FREM1: variants seen among roughly 807,000 people sequenced by gnomAD.
The protein encoded by FREM1 is FRAS1 related extracellular matrix 1.
Under a neutral mutation model 210.1 loss-of-function variants are expected in FREM1, and 220 were observed. The observed-to-expected ratio is 1.05, with a 90% CI of 0.94 to 1.17. The LOEUF (loss-of-function observed/expected upper bound fraction) is 1.17. Ranked by LOEUF, FREM1 falls within the 50% of genes most tolerant of loss-of-function variation. The pLI is 0.00. For synonymous variants in FREM1, 1,189 were observed against 980.2 expected, an observed-to-expected ratio of 1.21 and a Z score of -3.98; for missense variants, 3,454 against 2,675.5, an observed-to-expected ratio of 1.29 and a Z score of -6.42.
intron 24 of FREM1, among the ~76,000 whole-genome samples, chr9:14,781,835 C>A (rs1849683010): frequency 6.6e-6 from 1 of 152,208 alleles, no homozygotes; most frequent in Non-Finnish European, 1.5e-5. Context: ...TCCTAAGTAG[C>A]TAGGATTACA....
At chr9:14,877,444 C>CTTTTTTTTTTTTTTTT (rs1554717635) in intron 1 of FREM1, among the ~76,000 whole-genome samples, 1 of 146,486 alleles carries the variant, frequency 6.8e-6, no homozygotes, top group Non-Finnish European at 1.5e-5. Context: ...CTTGTTGTTT[C>CTTTTTTTTTTTTTTTT]TTTATGGTAG....
intron 24 of FREM1, among the ~76,000 whole-genome samples, chr9:14,783,236 C>A (rs1241755035): frequency 6.6e-6 from 1 of 152,166 alleles, no homozygotes. Flanking sequence ...TTACTGACAT[C>A]TAACCAGTGT....
intron 5 of FREM1, among the ~76,000 whole-genome samples, chr9:14,855,121 G>C (rs1219017069): frequency 6.6e-6 from 1 of 151,912 alleles, no homozygotes; most frequent in African/African-American, 2.4e-5. Context: ...AAATTTTGAA[G>C]AGAAGTGATA....
intron 1 of FREM1, among the ~76,000 whole-genome samples, chr9:14,884,914 G>GC (rs1835496839): frequency 9.8e-6 from 1 of 101,900 alleles, no homozygotes; most frequent in Non-Finnish European, 2.0e-5. Context: ...ATTCATCATA[G>GC]CTTTTTTTTT....
At chr9:14,793,321 C>A (rs1435392733) in intron 21 of FREM1, among the ~76,000 whole-genome samples, 1 of 152,184 alleles carries the variant, frequency 6.6e-6, no homozygotes, top group Non-Finnish European at 1.5e-5. Flanking sequence ...GTTCCAGTGC[C>A]ATTGATGATA....
At chr9:14,783,333 G>A (rs1164967753) in intron 24 of FREM1, among the ~76,000 whole-genome samples, 2 of 152,186 alleles carry the variant, frequency 1.3e-5, no homozygotes, top group African/African-American at 2.4e-5. Context: ...AGTGATACTT[G>A]ATAGTTTATG....
intron 35 of FREM1, among the ~76,000 whole-genome samples, chr9:14,742,403 G>A (rs1352264243): frequency 6.6e-6 from 1 of 152,054 alleles, no homozygotes; most frequent in African/African-American, 2.4e-5. Context: ...ACTGCCTGAG[G>A]AAATGAGCAG....
At chr9:14,865,661 C>CTGTGTGTGTGTGTGTGTGTG (rs56960871) in intron 2 of FREM1, among the ~76,000 whole-genome samples, 2 of 144,516 alleles carry the variant, frequency 1.4e-5, no homozygotes, top group South Asian at 2.3e-4. Flanking sequence ...AATGTTTAGG[C>CTGTGTGTGTGTGTGTGTGTG]TGTGTGTGTG....
intron 20 of FREM1, among the ~76,000 whole-genome samples, chr9:14,800,596 G>A (rs527823136): frequency 1.3e-5 from 2 of 152,230 alleles, no homozygotes; most frequent in African/African-American, 4.8e-5. Context: ...CTCTTAAACT[G>A]TAGTTTCATG....
chr9:14,813,143 G>T, intron 15 of FREM1, 79 bp from the exon 16 acceptor site: 1 of 1,414,988 alleles, frequency 7.1e-7, no homozygotes, highest in Non-Finnish European at 9.6e-7. Context: ...ATTGCTCATA[G>T]TCAGAATGAC....
chr9:14,842,777 T>C, intron 8 of FREM1, 117 bp from the exon 9 acceptor site: 1 of 700,038 alleles, frequency 1.4e-6, no homozygotes, highest in Non-Finnish European at 2.4e-6. Context: ...CGTATTTCCC[T>C]CACCTGGAAA....
intron 22 of FREM1, chr9:14,790,805 G>T (rs1851174285): frequency 6.6e-6 from 1 of 152,186 alleles, no homozygotes; most frequent in Non-Finnish European, 1.5e-5. Flanking sequence ...GCCATACTGG[G>T]AACCTGGACC....
At chr9:14,816,346 C>G (rs2133654613) in intron 15 of FREM1, among the ~76,000 whole-genome samples, 1 of 152,238 alleles carries the variant, frequency 6.6e-6, no homozygotes, top group Admixed American at 6.5e-5. Context: ...TATCCTCTCA[C>G]TTTGGAGGCC....
chr9:14,785,354 A>T (rs1041423168), intron 23 of FREM1, among the ~76,000 whole-genome samples: 1 of 152,244 alleles, frequency 6.6e-6, no homozygotes, highest in Non-Finnish European at 1.5e-5. Context: ...AGTAAGAAGA[A>T]ATACAAAATT....
rs967656256 is a variant in FREM1, at chr9:14,836,045, G to C, written c.1881+5402C>G. Among the ~76,000 whole-genome samples the C allele has an allele frequency of 6.6e-6, 1 of 152,174 alleles. No homozygotes were observed. Among genetic ancestry groups the C allele is most frequent in the African/African-American group, 2.4e-5 (1 of 41,450 alleles). On this transcript the variant is annotated intron_variant, in intron 10 of 36. Coordinates refer to ENST00000380880, the MANE Select transcript of FREM1 (RefSeq NM_001379081.2). This position sits in a 1 kb window ranked among gnomAD's most constrained non-coding sequence, Gnocchi z 4.9. ...TCTGGGCAATTATCTTGCAACTTCT[G>C]CCGGGTAATGAAAAGTGAGTAAGGT...
At chr9:14,834,487 C>T (rs1054492406) in intron 10 of FREM1, among the ~76,000 whole-genome samples, 14 of 152,172 alleles carry the variant, frequency 9.2e-5, no homozygotes, top group Admixed American at 3.3e-4. Context: ...TATAAGGTTT[C>T]ACTTGAACAA....
chr9:14,848,646 G>A lies in FREM1; in HGVS notation c.1261+19C>T. ...TCCCTTCAGGGCTATGTTGCTCTAT[G>A]CCTTATATTGAGCTTTACCTGTATT... On this transcript the variant is annotated intron_variant, in intron 7 of 36. Transcript: ENST00000380880. 7.1e-7 allele frequency: 1 copy of A among 1,410,516 alleles called. No homozygotes were observed. The highest frequency in any genetic ancestry group is 2.3e-5 in the East Asian group (1 of 43,902). The allele number at this position is 1,410,516 out of a possible 1,614,324, so 87.4% of individuals were successfully genotyped here.
chr9:14,745,626 G>A (rs184990404), intron 35 of FREM1, among the ~76,000 whole-genome samples: 10 of 152,238 alleles, frequency 6.6e-5, no homozygotes, highest in Admixed American at 2.0e-4. Context: ...ATTTTATGAA[G>A]TACGAGATCA....
rs571977293 is a variant in FREM1, at chr9:14,782,815, G to A, written c.4442+1555C>T. Among the ~76,000 whole-genome samples the A allele has an allele frequency of 1.2e-4, 19 of 152,244 alleles. No individual in the cohort carries two copies. In the East Asian group the frequency reaches 1.3e-3, roughly 11 times the overall value. ...ATGCATAAGCTCATATAAACCTCCC[G>A]CAACCTTGTGAGGCAGGTGCTACGA... On this transcript the variant is annotated intron_variant, in intron 24 of 36. Coordinates refer to ENST00000380880, the MANE Select transcript of FREM1 (RefSeq NM_001379081.2).
Sources: allele counts gnomAD v4.1 joint callset (sites outside exome capture counted in the v4.1 genomes callset), GRCh38; gene constraint gnomAD v4.1.1; non-coding constraint Gnocchi (gnomAD v3.1); transcripts MANE v1.5; gene names NCBI Gene and HGNC (gene_info 2026-07-23, HGNC 2026-07-21).